Variants in STK3 observed in about 807,000 individuals in gnomAD.
The protein encoded by STK3 is serine/threonine-protein kinase 3.
Under a neutral mutation model 58.0 loss-of-function variants are expected in STK3, and 41 were observed. The ratio of observed to expected loss-of-function variants is 0.71; its 90% CI spans 0.55 to 0.92. The LOEUF (loss-of-function observed/expected upper bound fraction) is 0.92, where lower values mean the gene tolerates loss of function less well. Among genes scored for constraint, STK3 ranks in the 40% least tolerant of loss-of-function variants. The pLI is 0.00. For missense variants in STK3, 479 were observed against 602.7 expected, an observed-to-expected ratio of 0.79 and a Z score of 2.15; for synonymous variants, 170 against 191.0, an observed-to-expected ratio of 0.89 and a Z score of 0.91.
intron 10 of STK3, among the ~76,000 whole-genome samples, chr8:98,462,610 G>A (rs575881564): frequency 1.5e-4 from 23 of 149,618 alleles, no homozygotes; most frequent in East Asian, 7.9e-4. Context: ...TACATATATC[G>A]CTAGGTCTTC....
intron 8 of STK3, among the ~76,000 whole-genome samples, chr8:98,562,084 A>G (rs980443083): frequency 5.3e-5 from 8 of 152,322 alleles, no homozygotes; most frequent in African/African-American, 1.4e-4. Context: ...AAAATGATAC[A>G]ACTTTGGAAA....
At chr8:98,429,101 A>G in intron 3 of STK3, 1 of 1,613,588 alleles carries the variant, frequency 6.2e-7, no homozygotes, top group South Asian at 1.1e-5. Flanking sequence ...GTATGACCAC[A>G]GTGGGGTACG....
intron 3 of STK3, among the ~76,000 whole-genome samples, chr8:98,419,323 T>G (rs1231680685): frequency 6.6e-6 from 1 of 151,736 alleles, no homozygotes; most frequent in Non-Finnish European, 1.5e-5. Flanking sequence ...AGCACCCCAC[T>G]GCACTCTAGT....
intron 1 of STK3, among the ~76,000 whole-genome samples, chr8:98,899,887 T>C (rs547009440): frequency 6.6e-6 from 1 of 152,336 alleles, no homozygotes; most frequent in South Asian, 2.1e-4. Flanking sequence ...TCCTCATTTA[T>C]AGAATAGCTA....
intron 1 of STK3, among the ~76,000 whole-genome samples, chr8:98,925,318 G>A (rs932204574): frequency 6.6e-6 from 1 of 152,204 alleles, no homozygotes; most frequent in African/African-American, 2.4e-5. Flanking sequence ...GCAAAATAAG[G>A]CATCCAGACT....
At chr8:98,582,355 C>T (rs1279232334) in intron 7 of STK3, among the ~76,000 whole-genome samples, 5 of 151,668 alleles carry the variant, frequency 3.3e-5, no homozygotes, top group Admixed American at 6.6e-5. Flanking sequence ...TTTTAGTTTC[C>T]GTTTTTTGCC....
chr8:98,478,137 TGA>T (rs1383846183), intron 10 of STK3, among the ~76,000 whole-genome samples: 2 of 152,154 alleles, frequency 1.3e-5, no homozygotes, highest in Non-Finnish European at 1.5e-5. Context: ...AGCGGAAATT[TGA>T]GAGTGAGCAC....
chr8:98,708,719 T>C (rs1253356448), intron 4 of STK3, among the ~76,000 whole-genome samples: 1 of 152,132 alleles, frequency 6.6e-6, no homozygotes, highest in Non-Finnish European at 1.5e-5. Flanking sequence ...TCACAGGAAA[T>C]ATTTGGTCTT....
At chr8:98,817,505 T>G (rs1422202934) in intron 1 of STK3, among the ~76,000 whole-genome samples, 1 of 151,352 alleles carries the variant, frequency 6.6e-6, no homozygotes, top group Non-Finnish European at 1.5e-5. Context: ...CCCTACCCAC[T>G]TCCTCTTCTA....
At position 98,923,842 on chromosome 8, in the gene STK3, TGTGTGTGTGTGTGCGCGCGC is replaced by T. The variant is rs1278633326; in HGVS notation, c.-79+18516_-79+18535del. The stretch of plus-strand genomic sequence containing the variant: ...TTTTGCAAAAACGTGTGTGTGTGTG[TGTGTGTGTGTGTGCGCGCGC>T]GCGCGCGCGCGCGCGTTGACAATGA... On this transcript the variant is annotated intron_variant, in intron 1 of 1. Transcript: ENST00000519420. Among the ~76,000 whole-genome samples, 4 of 119,418 alleles carry T rather than the reference TGTGTGTGTGTGTGCGCGCGC, an allele frequency of 3.3e-5. No homozygotes were observed. In the Admixed American group the frequency reaches 3.8e-4, roughly 11 times the overall value. 78.3% of individuals were successfully genotyped at this position (119,418 alleles called of 152,430 possible).
intron 9 of STK3, among the ~76,000 whole-genome samples, chr8:98,538,527 C>T (rs1041904067): frequency 6.6e-6 from 1 of 151,998 alleles, no homozygotes; most frequent in Non-Finnish European, 1.5e-5. Context: ...AAAATAGTGA[C>T]CAGCTGTTTT....
At chr8:98,826,882 G>C (rs1419855425), upstream of STK3, among the ~76,000 whole-genome samples, 1 of 136,470 alleles carries the variant, frequency 7.3e-6, no homozygotes, top group African/African-American at 2.9e-5. Flanking sequence ...AAAGTTAGCC[G>C]GGCCTGGTGA....
intron 10 of STK3, among the ~76,000 whole-genome samples, chr8:98,493,951 T>G (rs1187119939): frequency 6.6e-6 from 1 of 152,208 alleles, no homozygotes; most frequent in Non-Finnish European, 1.5e-5. Context: ...GGACTAGAGA[T>G]TCTCTCAAAA....
intron 6 of STK3, among the ~76,000 whole-genome samples, chr8:98,600,985 T>C (rs1816295995): frequency 6.6e-6 from 1 of 152,194 alleles, no homozygotes; most frequent in African/African-American, 2.4e-5. Flanking sequence ...TGTACAAGAT[T>C]GTATAAGTGT....
At chr8:98,870,886 C>T (rs1837347566) in intron 3 of STK3, among the ~76,000 whole-genome samples, 2 of 152,156 alleles carry the variant, frequency 1.3e-5, no homozygotes, top group Non-Finnish European at 2.9e-5. Flanking sequence ...GTTGCCATTG[C>T]TTTTGATGTT....
chr8:98,506,388 GC>G (rs1468653917), intron 10 of STK3, among the ~76,000 whole-genome samples: 1 of 152,106 alleles, frequency 6.6e-6, no homozygotes, highest in African/African-American at 2.4e-5. Flanking sequence ...GCTTCAGCTT[GC>G]CCTCCGTGGG....
intron 3 of STK3, among the ~76,000 whole-genome samples, chr8:98,871,280 T>C (rs922756643): frequency 1.3e-5 from 2 of 152,234 alleles, no homozygotes; most frequent in Non-Finnish European, 2.9e-5. Context: ...GGAAGTGTGA[T>C]GCCTCCAGCT....
chr8:98,390,554 A>C (rs1056079824), upstream of STK3, among the ~76,000 whole-genome samples: 1 of 152,086 alleles, frequency 6.6e-6, no homozygotes, highest in African/African-American at 2.4e-5. Context: ...TTGAATCTGT[A>C]GGTTTATGTC....
chr8:98,744,901 GA>G (rs893298875), intron 4 of STK3, among the ~76,000 whole-genome samples: 121 of 138,870 alleles, frequency 8.7e-4, no homozygotes, highest in South Asian at 2.2e-3. Context: ...TTTCCACACA[GA>G]AAAAAAAAAA....
Sources: allele counts gnomAD v4.1 joint callset (sites outside exome capture counted in the v4.1 genomes callset), GRCh38; gene constraint gnomAD v4.1.1; transcripts MANE v1.5; gene names NCBI Gene and HGNC (gene_info 2026-07-23, HGNC 2026-07-21).